TUSC3: variants seen among roughly 807,000 people sequenced by gnomAD.
TUSC3 encodes the protein dolichyl-diphosphooligosaccharide--protein glycosyltransferase subunit TUSC3.
TUSC3 carries 45 observed loss-of-function variants against 44.8 expected under a neutral mutation model. The ratio of observed to expected loss-of-function variants is 1.00; its 90% CI spans 0.79 to 1.29. TUSC3 has a LOEUF of 1.29. Ranked by LOEUF, TUSC3 falls within the 50% of genes most tolerant of loss-of-function variation. The probability of loss-of-function intolerance (pLI) is 0.00; values close to 1 mark genes in which losing one functional copy is unlikely to be tolerated. For missense variants in TUSC3, 519 were observed against 437.9 expected (o/e 1.19, Z -1.65); for synonymous variants, 212 against 152.9 (o/e 1.39, Z -2.85).
At chr8:15,821,798 TC>T in the TUSC3 span, among the ~76,000 whole-genome samples, 21,396 of 152,112 alleles carry the variant, frequency 0.14, 1,657 homozygotes, top group East Asian at 0.25. Flanking sequence ...TGTGTTTTGT[TC>T]ACAAATTTTT....
chr8:15,639,857 T>C (rs527645000), intron 2 of TUSC3, among the ~76,000 whole-genome samples: 33 of 148,770 alleles, frequency 2.2e-4, no homozygotes, highest in South Asian at 1.4e-3. Flanking sequence ...TCAGATATAG[T>C]CCTTTCTTGT....
downstream of TUSC3, among the ~76,000 whole-genome samples, chr8:15,768,582 T>G (rs1407867300): frequency 6.6e-6 from 1 of 152,114 alleles, no homozygotes; most frequent in African/African-American, 2.4e-5. Context: ...GAGAATGATT[T>G]ATCATTAAAT....
chr8:15,608,222 T>C (rs759896471), intron 1 of TUSC3, among the ~76,000 whole-genome samples: 8 of 152,312 alleles, frequency 5.3e-5, no homozygotes, highest in African/African-American at 1.4e-4. Flanking sequence ...CTTATTTTGA[T>C]TGAGTTCTTG....
At chr8:15,665,899 T>C (rs1412204627) in intron 5 of TUSC3, among the ~76,000 whole-genome samples, 1 of 151,436 alleles carries the variant, frequency 6.6e-6, no homozygotes, top group Non-Finnish European at 1.5e-5. Context: ...ATAGAATATG[T>C]ATCATTGATT....
chr8:15,448,108 C>CATATACATATATATATATATATATATAT lies in TUSC3; in HGVS notation n.91+30808_91+30809insCATATATATATATATATATATATATATA, dbSNP rs55661131. Among the ~76,000 whole-genome samples the CATATACATATATATATATATATATATAT allele has an allele frequency of 2.4e-3, 228 of 96,352 alleles. 19 individuals are homozygous for CATATACATATATATATATATATATATAT. Among genetic ancestry groups the CATATACATATATATATATATATATATAT allele is most frequent in the African/African-American group, 8.7e-3 (167 of 19,280 alleles). 63.2% of individuals were successfully genotyped at this position (96,352 alleles called of 152,430 possible). Reference sequence around the variant, plus strand: ...ATTCAACTGTATGGTAGTGTATATACATATATATATATTTATTTATTTATT... The same window carrying CATATACATATATATATATATATATATAT: ...ATTCAACTGTATGGTAGTGTATATACATATACATATATATATATATATATATATATATATATATATTTATTTATTTATT... On this transcript the variant is annotated intron_variant and non_coding_transcript_variant, in intron 1 of 5. Transcript: ENST00000503191.
rs140862243 is a variant in TUSC3, at chr8:15,632,222, C to G, written c.308+8973C>G. Among the ~76,000 whole-genome samples the G allele has an allele frequency of 4.9e-3, 751 of 152,182 alleles. 7 individuals carry two copies. Among genetic ancestry groups the G allele is most frequent in the African/African-American group, 0.017 (715 of 41,530 alleles). On this transcript the variant is annotated intron_variant, in intron 2 of 10. Transcript: ENST00000503731. ...TCTTTCTTTTAATCTATAACGTTTC[C>G]ACACTTAAACAAGAAAGTATTTGTT... is the stretch of plus-strand genomic sequence containing the variant.
At chr8:15,849,421 A>G in the TUSC3 span, among the ~76,000 whole-genome samples, 5 of 152,194 alleles carry the variant, frequency 3.3e-5, no homozygotes, top group African/African-American at 1.2e-4. Context: ...ATAAAGATCT[A>G]TCAGTTTTCA....
chr8:15,765,435 G>A lies in TUSC3; in HGVS notation c.*1279G>A, dbSNP rs544223528. On this transcript the variant is annotated 3_prime_UTR_variant, in exon 11 of 11. Coordinates refer to ENST00000503731, the MANE Select transcript of TUSC3 (RefSeq NM_006765.4). ...AGACCATGGAGAATTGTTTTCATTGGGAGTTCCAGCTATATAGCCTCAAAC... is the reference window on the plus strand; with the variant it reads ...AGACCATGGAGAATTGTTTTCATTGAGAGTTCCAGCTATATAGCCTCAAAC... 4.6e-5 allele frequency: 7 copies of A among 151,968 alleles called. No individual in the cohort carries two copies. Among genetic ancestry groups the A allele is most frequent in the African/African-American group, 1.7e-4 (7 of 41,504 alleles). The allele number at this position is 151,968 out of a possible 1,614,324, so 9.4% of individuals were successfully genotyped here. A position where few individuals can be genotyped will look rare whatever the true frequency, so the allele number is the denominator to read the frequency against.
At chr8:15,528,319 A>T (rs1029978236) in intron 2 of TUSC3, among the ~76,000 whole-genome samples, 8 of 152,224 alleles carry the variant, frequency 5.3e-5, no homozygotes, top group Non-Finnish European at 1.2e-4. Flanking sequence ...AGTTCAGGAA[A>T]TGAATTAGGA....
chr8:15,561,936 C>T (rs1441134024), intron 1 of TUSC3, among the ~76,000 whole-genome samples: 2 of 152,168 alleles, frequency 1.3e-5, no homozygotes, highest in African/African-American at 4.8e-5. Flanking sequence ...CCCGGTACCT[C>T]AGATGGAAAT....
chr8:15,734,402 A>G (rs1810847845), intron 7 of TUSC3, among the ~76,000 whole-genome samples: 1 of 152,174 alleles, frequency 6.6e-6, no homozygotes, highest in Non-Finnish European at 1.5e-5. Flanking sequence ...TCAGTATCTT[A>G]TTTAAGAAAA....
At chr8:15,752,082 C>G (rs954171435) in intron 9 of TUSC3, among the ~76,000 whole-genome samples, 4 of 152,056 alleles carry the variant, frequency 2.6e-5, no homozygotes, top group African/African-American at 9.7e-5. Flanking sequence ...TAAAGTGTCA[C>G]AAGCTAAGTG....
chr8:15,731,492 C>G (rs544798142), intron 7 of TUSC3, among the ~76,000 whole-genome samples: 18 of 151,984 alleles, frequency 1.2e-4, no homozygotes, highest in Admixed American at 6.6e-4. Flanking sequence ...TGTATATAAC[C>G]AAAGGTGTAA....
intron 10 of TUSC3, among the ~76,000 whole-genome samples, chr8:15,763,804 T>G (rs1287525719): frequency 6.6e-6 from 1 of 152,066 alleles, no homozygotes; most frequent in Non-Finnish European, 1.5e-5. Flanking sequence ...AGTGATTAAA[T>G]TATACGGTTA....
chr8:15,559,546 C>T (rs1802380915), intron 1 of TUSC3, among the ~76,000 whole-genome samples: 1 of 141,562 alleles, frequency 7.1e-6, no homozygotes. Flanking sequence ...GAGTTCTATT[C>T]CTGGGTATCC....
chr8:15,538,929 A>C (rs1250107501), upstream of TUSC3, among the ~76,000 whole-genome samples: 1 of 151,780 alleles, frequency 6.6e-6, no homozygotes, highest in East Asian at 1.9e-4. Flanking sequence ...AACTCACTGT[A>C]ACCTCAAACT....
At chr8:15,711,430 G>C (rs1043254423) in intron 6 of TUSC3, among the ~76,000 whole-genome samples, 7 of 150,716 alleles carry the variant, frequency 4.6e-5, no homozygotes, top group South Asian at 4.2e-4. Context: ...TCTCAGAAAA[G>C]AGGTTACCAG....
At chr8:15,476,590 C>G (rs2129123809) in intron 1 of TUSC3, among the ~76,000 whole-genome samples, 1 of 152,250 alleles carries the variant, frequency 6.6e-6, no homozygotes, top group Admixed American at 6.5e-5. Flanking sequence ...GGGTGGGTGT[C>G]CAGCTTCTTG....
At chr8:15,572,312 C>T (rs1802908269) in intron 1 of TUSC3, among the ~76,000 whole-genome samples, 1 of 152,176 alleles carries the variant, frequency 6.6e-6, no homozygotes, top group Non-Finnish European at 1.5e-5. Context: ...CTTTAAACCT[C>T]ATGAACCAAC....
Sources: allele counts gnomAD v4.1 joint callset (sites outside exome capture counted in the v4.1 genomes callset), GRCh38; gene constraint gnomAD v4.1.1; transcripts MANE v1.5; gene names NCBI Gene and HGNC (gene_info 2026-07-23, HGNC 2026-07-21).